The following RYR3 variants were observed in gnomAD, a reference collection of about 807,000 sequenced individuals.
RYR3 encodes the protein ryanodine receptor 3, also known as brain ryanodine receptor-calcium release channel.
RYR3 carries 207 observed loss-of-function variants against 584.3 expected under a neutral mutation model. The observed-to-expected ratio is 0.35, with a 90% CI of 0.32 to 0.40. The LOEUF (loss-of-function observed/expected upper bound fraction) is 0.40. RYR3 is among the 10% of genes least tolerant of loss of function. RYR3 has a pLI of 1.00. For missense variants in RYR3, 5,616 were observed against 6,089.2 expected, an observed-to-expected ratio of 0.92 and a Z score of 2.59; for synonymous variants, 2,416 against 2,248.5, an observed-to-expected ratio of 1.07 and a Z score of -2.11.
intron 1 of RYR3, among the ~76,000 whole-genome samples, chr15:33,317,839 G>A (rs1968411391): frequency 6.6e-6 from 1 of 152,096 alleles, no homozygotes; most frequent in African/African-American, 2.4e-5. Flanking sequence ...GTCCTTTGAG[G>A]TGGGACATAG....
At chr15:33,836,783 A>C (rs2078081323) in intron 87 of RYR3, 123 bp from the exon 88 acceptor site, 3 of 642,426 alleles carry the variant, frequency 4.7e-6, no homozygotes, top group Non-Finnish European at 5.5e-6. Context: ...ATGAGAAGGA[A>C]GCTCTTTCCC....
chr15:33,605,145 A>T (rs2059846153), intron 18 of RYR3, among the ~76,000 whole-genome samples: 1 of 152,182 alleles, frequency 6.6e-6, no homozygotes, highest in Admixed American at 6.5e-5. Context: ...AAGGAAAAAA[A>T]TTTAGTCTTT....
intron 1 of RYR3, among the ~76,000 whole-genome samples, chr15:33,410,797 T>C (rs987938160): frequency 1.3e-5 from 2 of 152,090 alleles, no homozygotes; most frequent in South Asian, 2.1e-4. Context: ...ATACCCAAGA[T>C]TGGGTAATTT....
intron 2 of RYR3, among the ~76,000 whole-genome samples, chr15:33,488,770 G>A (rs1344186728): frequency 6.6e-6 from 1 of 152,098 alleles, no homozygotes; most frequent in Non-Finnish European, 1.5e-5. Flanking sequence ...GTAATCGCTT[G>A]AACCCAGGAG....
Position 33,543,698 on chromosome 15 carries a change from G to A in RYR3, c.723G>A (p.Gln241=), listed in dbSNP as rs1287372172. The A allele has an allele frequency of 1.9e-6, 3 of 1,611,332 alleles. No homozygotes were observed. The highest frequency in any genetic ancestry group is 1.3e-5 in the African/African-American group (1 of 74,854). The change falls in exon 8 of 104, where the codon CAG becomes CAA. Residue 241 remains glutamine (Q), a synonymous_variant. Coordinates refer to ENST00000634891, the MANE Select transcript of RYR3 (RefSeq NM_001036.6). ...GTTTGACGATACCATCTACAGACCA[G>A]AATGATTCCCAGCACAGGTAAGTCA... ...DECLTIPSTD[Q]NDSQHRRIFY... is the part of the protein sequence containing the mutation.
chr15:33,466,339 A>G (rs952210047), intron 1 of RYR3, among the ~76,000 whole-genome samples: 1 of 152,188 alleles, frequency 6.6e-6, no homozygotes, highest in African/African-American at 2.4e-5. Context: ...AAGCCAAATG[A>G]AGAAAGTATT....
intron 31 of RYR3, 126 bp from the exon 32 acceptor site, chr15:33,652,592 T>TG (rs1390122154): frequency 1.1e-6 from 1 of 942,492 alleles, no homozygotes; most frequent in African/African-American, 1.7e-5. Flanking sequence ...AAAAAGTATT[T>TG]GGGGCTGAAC....
chr15:33,681,790 T>C (rs2064641492), intron 38 of RYR3, among the ~76,000 whole-genome samples: 1 of 152,220 alleles, frequency 6.6e-6, no homozygotes, highest in Non-Finnish European at 1.5e-5. Context: ...TTGCTCCCTC[T>C]TCTCAAAGTG....
chr15:33,848,665 A>G (rs1386795469), intron 94 of RYR3, among the ~76,000 whole-genome samples: 1 of 152,154 alleles, frequency 6.6e-6, no homozygotes, highest in Non-Finnish European at 1.5e-5. Context: ...TAGACCAGAC[A>G]GTCCAGTACA....
intron 3 of RYR3, among the ~76,000 whole-genome samples, chr15:33,529,473 C>G (rs2572200): frequency 0.58 from 87,987 of 152,054 alleles, 28,027 homozygotes; most frequent in Middle Eastern, 0.77. Context: ...ACACGGGAGA[C>G]GGGCAGAGCC....
At chr15:33,700,460 TA>T (rs1171615039) in intron 41 of RYR3, among the ~76,000 whole-genome samples, 1 of 152,270 alleles carries the variant, frequency 6.6e-6, no homozygotes, top group African/African-American at 2.4e-5. Context: ...CACGGGTTTT[TA>T]TTTCTCAAAT....
At chr15:33,655,456 G>A (rs1447870705) in intron 32 of RYR3, among the ~76,000 whole-genome samples, 1 of 152,208 alleles carries the variant, frequency 6.6e-6, no homozygotes, top group Non-Finnish European at 1.5e-5. Context: ...GGCATTTGCA[G>A]CAGCAGTGAC....
At chr15:33,723,916 G>C (rs2068138654) in intron 44 of RYR3, 149 bp from the exon 45 acceptor site, 6 of 591,310 alleles carry the variant, frequency 1.0e-5, no homozygotes, top group Middle Eastern at 4.5e-4. Flanking sequence ...AAACCACTTT[G>C]TCAACTTCTA....
intron 100 of RYR3, 83 bp from the exon 101 acceptor site, chr15:33,860,512 G>T: frequency 1.0e-5 from 8 of 766,570 alleles, no homozygotes; most frequent in South Asian, 2.6e-5. Context: ...TTTTTTAACA[G>T]AACAAAGTAG....
chr15:33,854,886 T>C lies in RYR3; in HGVS notation c.13981T>C (p.Ser4661Pro). 1 of 1,612,678 alleles carries C rather than the reference T, an allele frequency of 6.2e-7. No homozygotes were observed. The highest frequency in any genetic ancestry group is 8.5e-7 in the Non-Finnish European group (1 of 1,179,526). The change falls in exon 98 of 104, where the codon TCA (serine) becomes CCA (proline). Residue 4661 changes from serine (S) to proline (P), a missense_variant. Coordinates refer to ENST00000634891, the MANE Select transcript of RYR3 (RefSeq NM_001036.6). ...CTTCAAGACACTGAGGACCATTCTG[T>C]CATCTGTAACTCACAATGGCAAACA... ...MGFKTLRTIL[S>P]SVTHNGKQLV... is the part of the protein sequence containing the mutation.
At chr15:33,338,196 T>C (rs7175450) in intron 1 of RYR3, among the ~76,000 whole-genome samples, 103,264 of 151,854 alleles carry the variant, frequency 0.68, 35,711 homozygotes, top group African/African-American at 0.81. Flanking sequence ...CTGCCCGTCT[T>C]GGCCTCCCAA....
At chr15:33,581,922 G>A (rs976284720) in intron 14 of RYR3, among the ~76,000 whole-genome samples, 2 of 152,098 alleles carry the variant, frequency 1.3e-5, no homozygotes, top group African/African-American at 4.8e-5. Flanking sequence ...CCTTTCATGA[G>A]GAAACGAGAC....
chr15:33,480,719 A>T (rs1020641272), intron 2 of RYR3, among the ~76,000 whole-genome samples: 4 of 152,350 alleles, frequency 2.6e-5, no homozygotes, highest in African/African-American at 9.6e-5. Context: ...CATTCTGTGT[A>T]TCACTCCAAT....
At chr15:33,614,593 G>A (rs1027712118) in intron 19 of RYR3, among the ~76,000 whole-genome samples, 3 of 151,772 alleles carry the variant, frequency 2.0e-5, no homozygotes, top group African/African-American at 7.3e-5. Flanking sequence ...CAGTATTTTT[G>A]CTAACTTTGT....
Sources: gnomAD v4.1 joint callset for allele counts (sites outside exome capture counted in the v4.1 genomes callset) on GRCh38, gnomAD v4.1.1 for gene constraint, MANE v1.5 for transcripts, NCBI Gene and HGNC (gene_info 2026-07-23, HGNC 2026-07-21) for gene names.